The following DYSF variants were observed in gnomAD, a reference collection of about 807,000 sequenced individuals.
DYSF encodes dysferlin.
A neutral mutation model predicts 274.9 loss-of-function variants in DYSF; 212 were observed. That is an observed-to-expected ratio of 0.77 (90% CI 0.69 to 0.86). DYSF has a LOEUF of 0.86. Ranked by LOEUF, DYSF falls within the 40% of genes least tolerant of loss-of-function variation. DYSF has a pLI of 0.00. For synonymous variants in DYSF, 1,091 were observed against 1,078.7 expected, an observed-to-expected ratio of 1.01 and a Z score of -0.22; for missense variants, 2,666 against 2,783.2, an observed-to-expected ratio of 0.96 and a Z score of 0.95.
chr2:71,474,751 C>T (rs1360354202), intron 1 of DYSF, among the ~76,000 whole-genome samples: 1 of 152,180 alleles, frequency 6.6e-6, no homozygotes, highest in Non-Finnish European at 1.5e-5. Flanking sequence ...TTCTCCTCAT[C>T]TACAGGGAAG....
At chr2:71,666,646 G>C (rs558352018) in intron 47 of DYSF, among the ~76,000 whole-genome samples, 1 of 152,330 alleles carries the variant, frequency 6.6e-6, no homozygotes, top group African/African-American at 2.4e-5. Flanking sequence ...TGTAGCACCA[G>C]TTTTTGACCC....
At chr2:71,565,246 C>CTTTTTTTTTTTTTTTTTTTTTTTTTT (rs796705736) in intron 24 of DYSF, among the ~76,000 whole-genome samples, 2 of 131,330 alleles carry the variant, frequency 1.5e-5, no homozygotes, top group Admixed American at 7.6e-5. Flanking sequence ...CCACCCAGCT[C>CTTTTTTTTTTTTTTTTTTTTTTTTTT]TTTTTTTTTT....
chr2:71,633,938 A>T (rs1462255612), intron 41 of DYSF, among the ~76,000 whole-genome samples: 1 of 152,210 alleles, frequency 6.6e-6, no homozygotes, highest in African/African-American at 2.4e-5. Context: ...CTACTGAATG[A>T]TGATGGGAGA....
upstream of DYSF, among the ~76,000 whole-genome samples, chr2:71,466,420 G>A (rs1016103728): frequency 4.6e-5 from 7 of 152,166 alleles, no homozygotes; most frequent in African/African-American, 1.7e-4. Context: ...ATCCCTGGCT[G>A]GTGTGGAGCC....
At chr2:71,565,832 T>C (rs1156747741) in intron 24 of DYSF, among the ~76,000 whole-genome samples, 3 of 152,166 alleles carry the variant, frequency 2.0e-5, no homozygotes, top group Admixed American at 2.0e-4. Flanking sequence ...GTGACACAGG[T>C]GATGGGTCTT....
chr2:71,567,151 T>C (rs1362241389), intron 24 of DYSF, among the ~76,000 whole-genome samples: 1 of 152,208 alleles, frequency 6.6e-6, no homozygotes, highest in Non-Finnish European at 1.5e-5. Flanking sequence ...GGTGAAGTAA[T>C]TGTGGAGAAT....
intron 12 of DYSF, among the ~76,000 whole-genome samples, chr2:71,522,376 T>C (rs1451247631): frequency 6.6e-6 from 1 of 152,004 alleles, no homozygotes; most frequent in Non-Finnish European, 1.5e-5. Context: ...CTCATTACCA[T>C]AGCTTAGGAG....
intron 17 of DYSF, among the ~76,000 whole-genome samples, chr2:71,541,585 T>A (rs917523733): frequency 1.3e-5 from 2 of 152,052 alleles, no homozygotes; most frequent in African/African-American, 4.8e-5. Flanking sequence ...ACTCTTTAAC[T>A]GTCTTTAGAC....
intron 51 of DYSF, among the ~76,000 whole-genome samples, chr2:71,671,406 C>T (rs576175133): frequency 7.2e-5 from 11 of 152,384 alleles, no homozygotes; most frequent in African/African-American, 2.2e-4. Flanking sequence ...GCCAGCTCTG[C>T]TGCAGACAGA....
intron 10 of DYSF, among the ~76,000 whole-genome samples, chr2:71,519,197 C>G (rs752801201): frequency 6.6e-6 from 1 of 150,484 alleles, no homozygotes; most frequent in Non-Finnish European, 1.5e-5. Flanking sequence ...CAAATCATTG[C>G]CTGTGGGAAG....
chr2:71,620,563 C>T lies in DYSF; in HGVS notation c.4481C>T (p.Ser1494Leu), dbSNP rs370898927. 65 of 1,551,624 alleles carry T rather than the reference C, an allele frequency of 4.2e-5. No homozygotes were observed. The highest frequency in any genetic ancestry group is 4.4e-5 in the Non-Finnish European group (51 of 1,146,988). Residue 1494 changes from serine to leucine, a missense_variant, in exon 41 of 56, where the codon TCG (serine) becomes TTG (leucine). Physicochemically the swap from Ser to Leu is moderately radical, Grantham distance 145 (BLOSUM62 -2). Coordinates refer to ENST00000410020, the MANE Select transcript of DYSF (RefSeq NM_001130987.2). ...CATTTGTAGCTTGCAGACGGTCTGT[C>T]GAGCTTGGCCCCCACTAACACGGCT... The part of the protein sequence containing the change: ...LIPIQLADGL[S>L]SLAPTNTASP...
At position 71,520,818 on chromosome 2, in the gene DYSF, C is replaced by T. The variant is rs886044387; in HGVS notation, c.1063C>T (p.Leu355Phe). ...RHAYLRKWLL[L>F]SDPDDFSAGA... ...CGCCTATCTCAGGAAGTGGCTGCTGCTCTCAGACCCTGATGACTTCTCTGC... is the reference window on the plus strand; with the variant it reads ...CGCCTATCTCAGGAAGTGGCTGCTGTTCTCAGACCCTGATGACTTCTCTGC... The change falls in exon 12 of 56, where the codon CTC becomes TTC. Residue 355 changes from leucine to phenylalanine, a missense_variant. Transcript: ENST00000410020. 6.2e-7 allele frequency: 1 copy of T among 1,614,082 alleles called. No individual in the cohort carries two copies. The highest frequency in any genetic ancestry group is 8.5e-7 in the Non-Finnish European group (1 of 1,180,014).
At chr2:71,577,623 C>T (rs2092753364) in intron 30 of DYSF, among the ~76,000 whole-genome samples, 1 of 151,878 alleles carries the variant, frequency 6.6e-6, no homozygotes, top group Admixed American at 6.6e-5. Flanking sequence ...CACATTCTGA[C>T]ATACACTCTC....
At chr2:71,612,986 G>C (rs150652296) in intron 39 of DYSF, among the ~76,000 whole-genome samples, 180 bp downstream of exon 39, 1 of 152,316 alleles carries the variant, frequency 6.6e-6, no homozygotes, top group Non-Finnish European at 1.5e-5. Context: ...AGCTCTGGGT[G>C]GGGGGCACCA....
intron 45 of DYSF, among the ~76,000 whole-genome samples, chr2:71,661,287 C>G (rs1325479894): frequency 1.3e-5 from 2 of 151,862 alleles, no homozygotes; most frequent in African/African-American, 2.4e-5. Flanking sequence ...TCAATTTCCC[C>G]CACTGGTAAC....
At chr2:71,532,143 A>G (rs781692443) in intron 14 of DYSF, among the ~76,000 whole-genome samples, 1 of 152,200 alleles carries the variant, frequency 6.6e-6, no homozygotes, top group Non-Finnish European at 1.5e-5. Flanking sequence ...TGATGGCTGC[A>G]TAATATTCTG....
intron 3 of DYSF, among the ~76,000 whole-genome samples, chr2:71,485,976 G>A (rs375318074): frequency 4.6e-5 from 7 of 152,082 alleles, no homozygotes; most frequent in Non-Finnish European, 7.4e-5. Context: ...ACCGCGCCCA[G>A]CCCTTCAATG....
chr2:71,532,621 T>C (rs1258162886), intron 14 of DYSF, among the ~76,000 whole-genome samples: 1 of 151,918 alleles, frequency 6.6e-6, no homozygotes, highest in Non-Finnish European at 1.5e-5. Context: ...GGTAGCCAGG[T>C]TGAAGTGTTT....
At chr2:71,639,454 A>G (rs920594740) in intron 41 of DYSF, among the ~76,000 whole-genome samples, 12 of 152,254 alleles carry the variant, frequency 7.9e-5, no homozygotes, top group African/African-American at 2.9e-4. Flanking sequence ...GAGTGCCACT[A>G]TGAACTTCTG....
Sources: gnomAD v4.1 joint callset for allele counts (sites outside exome capture counted in the v4.1 genomes callset) on GRCh38, gnomAD v4.1.1 for gene constraint, MANE v1.5 for transcripts, NCBI Gene and HGNC (gene_info 2026-07-23, HGNC 2026-07-21) for gene names.